Variants in MAP7 observed in about 807,000 individuals in gnomAD.
MAP7 encodes ensconsin.
In MAP7, 52 loss-of-function variants were observed where a neutral mutation model predicts 94.8. That is an observed-to-expected ratio of 0.55 (90% confidence interval 0.44 to 0.69). MAP7 has a LOEUF of 0.69. Ranked by LOEUF, MAP7 falls within the 30% of genes least tolerant of loss-of-function variation. The probability of loss-of-function intolerance (pLI) is 0.00; values close to 1 mark genes in which losing one functional copy is unlikely to be tolerated. For synonymous variants in MAP7, 350 were observed against 357.0 expected (o/e 0.98, Z 0.22); for missense variants, 940 against 964.6 (o/e 0.97, Z 0.34).
intron 6 of MAP7, among the ~76,000 whole-genome samples, chr6:136,380,850 C>G (rs1288031221): frequency 6.6e-6 from 1 of 152,264 alleles, no homozygotes; most frequent in African/African-American, 2.4e-5. Flanking sequence ...CTTTGGAGGG[C>G]CCGGGGAAGC....
At chr6:136,423,910 C>T (rs1792312281) in intron 1 of MAP7, among the ~76,000 whole-genome samples, 1 of 151,900 alleles carries the variant, frequency 6.6e-6, no homozygotes, top group Non-Finnish European at 1.5e-5. Flanking sequence ...AGTTCTTCTG[C>T]CTCAGCTCCC....
At chr6:136,425,113 C>T (rs937902844) in intron 1 of MAP7, among the ~76,000 whole-genome samples, 2 of 151,988 alleles carry the variant, frequency 1.3e-5, no homozygotes, top group African/African-American at 4.8e-5. Context: ...AGTGTGGATC[C>T]ACTGGACAAA....
intron 2 of MAP7, among the ~76,000 whole-genome samples, chr6:136,420,885 A>C (rs1328433631): frequency 1.3e-5 from 2 of 152,156 alleles, no homozygotes; most frequent in Admixed American, 1.3e-4. Context: ...AGTTATTTCC[A>C]TCTTTATTCT....
At chr6:136,386,345 A>G (rs1779190420) in intron 5 of MAP7, among the ~76,000 whole-genome samples, 2 of 152,180 alleles carry the variant, frequency 1.3e-5, no homozygotes, top group African/African-American at 4.8e-5. Flanking sequence ...CAGTATAGGA[A>G]CAATTTATTA....
At chr6:136,507,829 A>G (rs1347328323) in intron 1 of MAP7, among the ~76,000 whole-genome samples, 2 of 152,218 alleles carry the variant, frequency 1.3e-5, no homozygotes, top group East Asian at 3.8e-4. Context: ...TGCCTGAAGC[A>G]TATGTTTAGG....
Position 136,365,814 on chromosome 6 carries a change from T to C in MAP7, c.1194A>G (p.Leu398=). ...CCTTCACTAAAGGTGCTCTGCCCTT[T>C]AGTGAGGGCTCATTGGCAACTTTCT... The part of the protein sequence containing the change: ...EPQKVANEPS[L]KGRAPLVKVE... Residue 398 remains leucine (L), a synonymous_variant, in exon 10 of 18, where the codon CTA becomes CTG. Coordinates refer to ENST00000354570, the MANE Select transcript of MAP7 (RefSeq NM_003980.6). The C allele has an allele frequency of 5.0e-6, 8 of 1,614,116 alleles. No individual in the cohort carries two copies. The highest frequency in any genetic ancestry group is 1.6e-4 in the Middle Eastern group (1 of 6,062).
intron 2 of MAP7, chr6:136,420,548 A>C (rs1351154986): frequency 1.3e-5 from 3 of 230,020 alleles, no homozygotes; most frequent in Non-Finnish European, 2.6e-5. Flanking sequence ...CATACAGTAC[A>C]TCTCTCATGC....
intron 11 of MAP7, among the ~76,000 whole-genome samples, chr6:136,361,685 T>C (rs1460097337): frequency 2.0e-5 from 3 of 152,188 alleles, no homozygotes; most frequent in African/African-American, 4.8e-5. Flanking sequence ...TTGTGTTCGT[T>C]TGAAGAACAA....
chr6:136,345,981 G>T lies in MAP7; in HGVS notation c.2114C>A (p.Ser705Tyr), dbSNP rs1389542510. 6.2e-7 allele frequency: 1 copy of T among 1,611,170 alleles called. No homozygotes were observed. The highest frequency in any genetic ancestry group is 8.5e-7 in the Non-Finnish European group (1 of 1,177,440). ...IINLPIGSKP[S>Y]RLDVTNSESP... ...CTCACTGTTGGTGACATCTAATCTG[G>T]ATGGTTTAGATCCAATGGGTAAGTT... The change falls in exon 17 of 18, where the codon TCC becomes TAC. Residue 705 changes from serine to tyrosine, a missense_variant. Transcript: ENST00000354570.
At chr6:136,447,977 G>A (rs1473679911) in intron 1 of MAP7, among the ~76,000 whole-genome samples, 1 of 152,050 alleles carries the variant, frequency 6.6e-6, no homozygotes, top group East Asian at 1.9e-4. Flanking sequence ...AGATCACGAG[G>A]TCAGGAGTTT....
At chr6:136,431,797 C>T (rs1253290662) in intron 1 of MAP7, among the ~76,000 whole-genome samples, 1 of 152,180 alleles carries the variant, frequency 6.6e-6, no homozygotes, top group East Asian at 1.9e-4. Flanking sequence ...GGATTACAGG[C>T]GTGAGCCACT....
intron 1 of MAP7, among the ~76,000 whole-genome samples, chr6:136,454,485 G>C (rs1189932658): frequency 2.0e-5 from 3 of 151,974 alleles, no homozygotes; most frequent in Middle Eastern, 6.8e-3. Context: ...TTTTGGTAGA[G>C]ATGGGTCTTA....
chr6:136,512,149 G>A (rs541893991), intron 1 of MAP7, among the ~76,000 whole-genome samples: 5 of 152,326 alleles, frequency 3.3e-5, no homozygotes, highest in African/African-American at 1.2e-4. Flanking sequence ...ACCCTGGAAT[G>A]TTTAAAGGCC....
intron 1 of MAP7, among the ~76,000 whole-genome samples, chr6:136,455,444 A>G (rs1314055115): frequency 6.6e-6 from 1 of 152,120 alleles, no homozygotes; most frequent in Non-Finnish European, 1.5e-5. Flanking sequence ...CAGAAAATCA[A>G]TAAGAAATAG....
intron 8 of MAP7, among the ~76,000 whole-genome samples, chr6:136,366,964 CCTT>C (rs1235627736): frequency 2.0e-5 from 3 of 152,054 alleles, no homozygotes; most frequent in Non-Finnish European, 2.9e-5. Flanking sequence ...GGAATCAAGT[CCTT>C]CTTCACCTAC....
rs530113811 is a variant in MAP7 at position 136,387,525 on chromosome 6, T to C, written c.526+868A>G. 3.3e-5 allele frequency among the ~76,000 whole-genome samples: 5 copies of C among 152,262 alleles called. No homozygotes were observed. In the East Asian group the frequency reaches 9.6e-4, roughly 29 times the overall value. On this transcript the variant is annotated intron_variant, in intron 5 of 17. Coordinates refer to ENST00000354570, the MANE Select transcript of MAP7 (RefSeq NM_003980.6). ...AGGGTATTAGGCATGCGTTGATGAC[T>C]AAGGTGGTGATGCTTCAGCTATTGA...
At position 136,473,459 on chromosome 6, in the gene MAP7, G is replaced by C. The variant is rs188930810; in HGVS notation, c.68-51660C>G. Among the ~76,000 whole-genome samples, 7 of 152,266 alleles carry C rather than the reference G, an allele frequency of 4.6e-5. No homozygotes were observed. The East Asian group carries it at 1.4e-3, about 29-fold the overall frequency. On this transcript the variant is annotated intron_variant, in intron 1 of 17. Transcript: ENST00000354570. ...TATCTGTTCTTGTAGATTTTTTGAA[G>C]TATAAATATGTACATGTGTATAATA... is the stretch of plus-strand genomic sequence containing the variant.
chr6:136,404,357 T>C (rs767817502), intron 3 of MAP7, among the ~76,000 whole-genome samples: 17 of 148,912 alleles, frequency 1.1e-4, no homozygotes, highest in South Asian at 6.4e-4. Context: ...GCAAGAAAGC[T>C]ATGATTAGAA....
chr6:136,467,495 T>C (rs1414512342), intron 1 of MAP7, among the ~76,000 whole-genome samples: 1 of 152,234 alleles, frequency 6.6e-6, no homozygotes, highest in Non-Finnish European at 1.5e-5. Context: ...TTCTGAAGGC[T>C]TTCCCAGGGG....
Sources: allele counts gnomAD v4.1 joint callset (sites outside exome capture counted in the v4.1 genomes callset), GRCh38; gene constraint gnomAD v4.1.1; transcripts MANE v1.5; gene names NCBI Gene and HGNC (gene_info 2026-07-23, HGNC 2026-07-21).